C12orf42: variants seen among roughly 807,000 people sequenced by gnomAD.
The protein encoded by C12orf42 is chromosome 12 open reading frame 42, also known as uncharacterized protein C12orf42.
Under a neutral mutation model 21.6 loss-of-function variants are expected in C12orf42, and 25 were observed. The observed-to-expected ratio is 1.16, with a 90% CI of 0.84 to 1.62. The LOEUF is 1.62. C12orf42 is among the 40% of genes most tolerant of loss of function. C12orf42 has a pLI of 0.00. For synonymous variants in C12orf42, 174 were observed against 175.0 expected, an observed-to-expected ratio of 0.99 and a Z score of 0.05; for missense variants, 483 against 459.3, an observed-to-expected ratio of 1.05 and a Z score of -0.47.
At chr12:103,169,787 T>TAA in the C12orf42 span, among the ~76,000 whole-genome samples, 618 of 151,270 alleles carry the variant, frequency 4.1e-3, 6 homozygotes, top group African/African-American at 0.014. Context: ...AAAATAAAAA[T>TAA]GATAGAGCAT....
At chr12:103,549,917 T>C in the C12orf42 span, among the ~76,000 whole-genome samples, 1 of 152,208 alleles carries the variant, frequency 6.6e-6, no homozygotes, top group African/African-American at 2.4e-5. Flanking sequence ...CATGTGCTGC[T>C]GACAGCCTGT....
chr12:103,332,570 G>A (rs775448118), intron 4 of C12orf42, among the ~76,000 whole-genome samples: 3 of 152,176 alleles, frequency 2.0e-5, no homozygotes, highest in Non-Finnish European at 4.4e-5. Flanking sequence ...AAATATTTTG[G>A]TTATGAGCTT....
At position 103,333,502 on chromosome 12, in the gene C12orf42, T is replaced by C. The variant is rs79935711; in HGVS notation, c.260-27157A>G. On this transcript the variant is annotated intron_variant, in intron 4 of 5. Coordinates refer to ENST00000548883, the MANE Select transcript of C12orf42 (RefSeq NM_198521.5). ...GCTTTAATTTTCCAAATAGTTAAATTATATTAGACTTACTGAAAGTTAAAA... is the reference window on the plus strand; with the variant it reads ...GCTTTAATTTTCCAAATAGTTAAATCATATTAGACTTACTGAAAGTTAAAA... Among the ~76,000 whole-genome samples, 865 of 152,288 alleles carry C rather than the reference T, an allele frequency of 5.7e-3. 6 individuals are homozygous for C. Among genetic ancestry groups the C allele is most frequent in the African/African-American group, 0.013 (543 of 41,558 alleles).
intron 3 of C12orf42, among the ~76,000 whole-genome samples, chr12:103,400,161 G>A (rs2047878955): frequency 6.6e-6 from 1 of 152,108 alleles, no homozygotes; most frequent in Non-Finnish European, 1.5e-5. Flanking sequence ...TTTAAAAGAG[G>A]ATCTAGCTGA....
chr12:103,390,015 G>T (rs540270403), intron 3 of C12orf42, among the ~76,000 whole-genome samples: 2 of 152,156 alleles, frequency 1.3e-5, no homozygotes, highest in African/African-American at 4.8e-5. Context: ...AGATCATTTT[G>T]CTAGGTACAC....
At chr12:103,544,249 C>T in the C12orf42 span, among the ~76,000 whole-genome samples, 1 of 152,186 alleles carries the variant, frequency 6.6e-6, no homozygotes, top group East Asian at 1.9e-4. Flanking sequence ...CTAAACATGT[C>T]TTTATTTCAC....
At chr12:103,272,857 C>A (rs2035551128) in intron 5 of C12orf42, among the ~76,000 whole-genome samples, 2 of 152,174 alleles carry the variant, frequency 1.3e-5, no homozygotes, top group South Asian at 4.1e-4. Context: ...GATCGGGCCT[C>A]CTGACTAGCA....
intron 3 of C12orf42, among the ~76,000 whole-genome samples, chr12:103,399,202 A>G (rs1213150438): frequency 6.6e-6 from 1 of 151,810 alleles, no homozygotes; most frequent in Non-Finnish European, 1.5e-5. Flanking sequence ...AATCAATATT[A>G]TCTTTTCCCC....
rs1407929053 is a variant in C12orf42, at chr12:103,471,630, C to A, written c.78+6719G>T. Among the ~76,000 whole-genome samples, 4 of 152,166 alleles carry A rather than the reference C, an allele frequency of 2.6e-5. No homozygotes were observed. In the East Asian group the frequency reaches 7.7e-4, roughly 29 times the overall value. Reference sequence around the variant, plus strand: ...CTAAATGGTACAGCCAGGATTTGAACCCAGGGTCAAAGGACCCCAAACCCA... The same window carrying A: ...CTAAATGGTACAGCCAGGATTTGAAACCAGGGTCAAAGGACCCCAAACCCA... On this transcript the variant is annotated intron_variant, in intron 2 of 5. Transcript: ENST00000548883.
At chr12:103,165,337 A>G in the C12orf42 span, among the ~76,000 whole-genome samples, 5,893 of 152,304 alleles carry the variant, frequency 0.039, 135 homozygotes, top group Middle Eastern at 0.058. Flanking sequence ...CTCTTGAAAC[A>G]TGGCTGCATC....
intron 3 of C12orf42, among the ~76,000 whole-genome samples, chr12:103,375,080 ACTCT>A (rs993374893): frequency 6.6e-6 from 1 of 151,996 alleles, no homozygotes; most frequent in African/African-American, 2.4e-5. Flanking sequence ...AGCTGAAGTG[ACTCT>A]CTCTCTATTT....
At chr12:103,178,194 G>A in the C12orf42 span, 2 of 152,194 alleles carry the variant, frequency 1.3e-5, no homozygotes, top group African/African-American at 4.8e-5. Context: ...CTGCCAAGAA[G>A]TCGCCTGCAA....
the C12orf42 span, among the ~76,000 whole-genome samples, chr12:103,505,214 A>T: frequency 1.3e-5 from 2 of 152,194 alleles, no homozygotes; most frequent in Admixed American, 1.3e-4. Context: ...CTATTGAGAG[A>T]AGGAGTGTGA....
chr12:103,309,433 A>T (rs945926109), intron 4 of C12orf42, among the ~76,000 whole-genome samples: 1 of 152,250 alleles, frequency 6.6e-6, no homozygotes, highest in African/African-American at 2.4e-5. Flanking sequence ...TATAATACAA[A>T]TAACATACAA....
At chr12:103,516,347 C>A in the C12orf42 span, among the ~76,000 whole-genome samples, 631 of 152,206 alleles carry the variant, frequency 4.1e-3, 8 homozygotes, top group East Asian at 0.041. Flanking sequence ...TAGGAGTAAA[C>A]CTGATGGAAA....
intron 4 of C12orf42, among the ~76,000 whole-genome samples, chr12:103,361,372 T>C (rs1012062190): frequency 1.1e-4 from 16 of 152,118 alleles, no homozygotes; most frequent in African/African-American, 3.6e-4. Context: ...GGAAAAGCCC[T>C]GTGGGCTCTC....
At chr12:103,511,500 A>G in the C12orf42 span, among the ~76,000 whole-genome samples, 1 of 152,232 alleles carries the variant, frequency 6.6e-6, no homozygotes, top group Admixed American at 6.5e-5. Context: ...TACTATAAAA[A>G]CACTCTAATC....
the C12orf42 span, among the ~76,000 whole-genome samples, chr12:103,212,924 T>A: frequency 6.6e-6 from 1 of 151,976 alleles, no homozygotes; most frequent in African/African-American, 2.4e-5. Context: ...TGCAGTTAGA[T>A]ACACACACGC....
the C12orf42 span, among the ~76,000 whole-genome samples, chr12:103,218,507 T>A: frequency 6.6e-6 from 1 of 152,258 alleles, no homozygotes; most frequent in South Asian, 2.1e-4. Context: ...CACTAAATAC[T>A]AGTGGCAAAC....
Sources: allele counts gnomAD v4.1 joint callset (sites outside exome capture counted in the v4.1 genomes callset), GRCh38; gene constraint gnomAD v4.1.1; transcripts MANE v1.5; gene names NCBI Gene and HGNC (gene_info 2026-07-23, HGNC 2026-07-21).